Variants in VPS13B observed in about 807,000 individuals in gnomAD.
VPS13B encodes vacuolar protein sorting 13 homolog B.
A neutral mutation model predicts 426.4 loss-of-function variants in VPS13B; 285 were observed. The observed-to-expected ratio is 0.67, with a 90% CI of 0.61 to 0.74. The LOEUF (loss-of-function observed/expected upper bound fraction) is 0.74. VPS13B is among the 30% of genes least tolerant of loss of function. VPS13B has a pLI of 0.00. For synonymous variants in VPS13B, 1,676 were observed against 1,676.4 expected, an observed-to-expected ratio of 1.00 and a Z score of 0.01; for missense variants, 4,537 against 4,782.6, an observed-to-expected ratio of 0.95 and a Z score of 1.51.
chr8:99,192,422 G>A (rs1216090036), intron 16 of VPS13B, among the ~76,000 whole-genome samples: 2 of 151,900 alleles, frequency 1.3e-5, no homozygotes, highest in East Asian at 1.9e-4. Context: ...TTAATATATC[G>A]GTGTGTGTCT....
At chr8:99,254,052 T>C (rs2132930445) in intron 17 of VPS13B, among the ~76,000 whole-genome samples, 1 of 152,334 alleles carries the variant, frequency 6.6e-6, no homozygotes, top group South Asian at 2.1e-4. Context: ...TCAGATATTA[T>C]TTTTGCTTCA....
intron 16 of VPS13B, among the ~76,000 whole-genome samples, chr8:99,177,168 A>C (rs1004137161): frequency 7.9e-5 from 12 of 152,196 alleles, no homozygotes; most frequent in African/African-American, 2.9e-4. Context: ...CCAGAAAACA[A>C]ATGGACATTG....
intron 31 of VPS13B, among the ~76,000 whole-genome samples, chr8:99,561,696 T>C (rs972211787): frequency 2.0e-5 from 3 of 152,210 alleles, no homozygotes; most frequent in African/African-American, 7.2e-5. Context: ...CTATGATGTT[T>C]GATTGGTTAA....
At position 99,018,289 on chromosome 8, in the gene VPS13B, G is replaced by A. The variant is rs116678819; in HGVS notation, c.147+4354G>A. On this transcript the variant is annotated intron_variant, in intron 2 of 61. Coordinates refer to ENST00000357162, the MANE Select transcript of VPS13B (RefSeq NM_152564.5). ...TAATCCCAGCTACTTGGGACGCTGG[G>A]GCACAAGAATCACTTGAACTGGGAA... 9.9e-3 allele frequency among the ~76,000 whole-genome samples: 1,514 copies of A among 152,254 alleles called. 34 individuals carry two copies. Among genetic ancestry groups the A allele is most frequent in the African/African-American group, 0.035 (1,452 of 41,538 alleles).
intron 29 of VPS13B, 80 bp from the exon 30 acceptor site, chr8:99,520,819 T>C: frequency 9.2e-7 from 1 of 1,089,566 alleles, no homozygotes; most frequent in South Asian, 1.3e-5. Flanking sequence ...CTCTATTCCA[T>C]TCCCTCAAAG....
intron 31 of VPS13B, among the ~76,000 whole-genome samples, chr8:99,558,208 T>A (rs1467285090): frequency 6.6e-6 from 1 of 152,162 alleles, no homozygotes; most frequent in Non-Finnish European, 1.5e-5. Context: ...GTAATAACTG[T>A]TATTTTCCCT....
rs1251933840 is a variant in VPS13B at position 99,502,917 on chromosome 8, T to C, written c.4124T>C (p.Ile1375Thr). 2 of 1,612,278 alleles carry C rather than the reference T, an allele frequency of 1.2e-6. No individual in the cohort carries two copies. Among genetic ancestry groups the C allele is most frequent in the East Asian group, 2.2e-5 (1 of 44,782 alleles). Reference sequence around the variant, plus strand: ...GTATATACCAAAGTGAAATGTAAAATAGAGAGTTTCAATATTGATCACTAT... The same window carrying C: ...GTATATACCAAAGTGAAATGTAAAACAGAGAGTTTCAATATTGATCACTAT... ...QDVYTKVKCK[I>T]ESFNIDHYRS... The change falls in exon 27 of 62, where the codon ATA becomes ACA. Residue 1375 changes from isoleucine (I) to threonine (T), a missense_variant. Ile to Thr is a moderately conservative substitution (Grantham distance 89). Coordinates refer to ENST00000357162, the MANE Select transcript of VPS13B (RefSeq NM_152564.5).
rs1366715736 is a variant in VPS13B, at chr8:99,877,054, G to GTCTC, written c.*1389_*1392dup. On this transcript the variant is annotated 3_prime_UTR_variant, in exon 62 of 62. Transcript: ENST00000357162. The stretch of plus-strand genomic sequence containing the variant: ...TTTTAAAATTTTTTCTAGAGATGAG[G>GTCTC]TCTCACTATGTTGCCCAGCTGGTCT... 1 of 151,972 alleles carries GTCTC rather than the reference G, an allele frequency of 6.6e-6. No homozygotes were observed. Among genetic ancestry groups the GTCTC allele is most frequent in the Admixed American group, 6.6e-5 (1 of 15,244 alleles). 9.4% of individuals were successfully genotyped at this position (151,972 alleles called of 1,614,324 possible). A position where few individuals can be genotyped will look rare whatever the true frequency, so the allele number is the denominator to read the frequency against.
intron 33 of VPS13B, among the ~76,000 whole-genome samples, chr8:99,640,370 A>T (rs1270708929): frequency 2.0e-5 from 3 of 152,042 alleles, no homozygotes; most frequent in Admixed American, 6.6e-5. Context: ...ACCACCTCCC[A>T]GGCTCAAGCC....
Position 99,835,565 on chromosome 8 carries a change from A to C in VPS13B, c.9769A>C (p.Lys3257Gln). 1.9e-6 allele frequency: 3 copies of C among 1,613,944 alleles called. No homozygotes were observed. The highest frequency in any genetic ancestry group is 2.5e-6 in the Non-Finnish European group (3 of 1,179,848). The part of the protein sequence containing the change: ...KDIPKFEVYC[K>Q]KIPSECSIHH... ...TATTCCAAAGTTTGAGGTTTATTGC[A>C]AAAAAATTCCCTCCGAGTGCTCAAT... Residue 3257 changes from lysine to glutamine, a missense_variant, in exon 54 of 62, where the codon AAA becomes CAA. This residue lies in a region of VPS13B where 4,311 missense variants were observed against 4,474.3 expected (regional missense o/e 0.96). Transcript: ENST00000357162.
At chr8:99,477,013 A>G (rs937559524) in intron 24 of VPS13B, among the ~76,000 whole-genome samples, 1 of 152,104 alleles carries the variant, frequency 6.6e-6, no homozygotes, top group Admixed American at 6.6e-5. Context: ...TTGTTAATTC[A>G]TATCATTTAG....
chr8:99,088,880 A>G (rs1022371191), intron 3 of VPS13B, among the ~76,000 whole-genome samples: 4 of 152,134 alleles, frequency 2.6e-5, no homozygotes, highest in Non-Finnish European at 5.9e-5. Flanking sequence ...AAGGCATGTT[A>G]CCTTGCCTTG....
chr8:99,820,832 CTTTA>C lies in VPS13B; in HGVS notation c.8995-457_8995-454del, dbSNP rs538655806. 2.2e-3 allele frequency among the ~76,000 whole-genome samples: 338 copies of C among 152,094 alleles called. 3 individuals carry two copies. The highest frequency in any genetic ancestry group is 7.8e-3 in the African/African-American group (324 of 41,506). Reference sequence around the variant, plus strand: ...TTTTTGAGCTCCAGGTCATAAACATCTTTATTTAATTGCATTTTTTCTTTTTTCT... The same window carrying C: ...TTTTTGAGCTCCAGGTCATAAACATCTTTAATTGCATTTTTTCTTTTTTCT... On this transcript the variant is annotated intron_variant, in intron 49 of 61. Coordinates refer to ENST00000357162, the MANE Select transcript of VPS13B (RefSeq NM_152564.5).
At chr8:99,232,918 C>T (rs914524313) in intron 17 of VPS13B, 8 of 587,380 alleles carry the variant, frequency 1.4e-5, no homozygotes, top group Non-Finnish European at 1.5e-5. Flanking sequence ...CCCTGGCCGC[C>T]TCCGCAGACT....
chr8:99,556,766 C>A, intron 31 of VPS13B, 113 bp downstream of exon 31: 3 of 1,151,638 alleles, frequency 2.6e-6, no homozygotes, highest in Non-Finnish European at 3.8e-6. Context: ...ATTGCTTCTG[C>A]TTTTCATTAT....
At chr8:99,489,379 A>G (rs569364601) in intron 25 of VPS13B, among the ~76,000 whole-genome samples, 270 of 151,238 alleles carry the variant, frequency 1.8e-3, no homozygotes, top group Middle Eastern at 0.01. Context: ...TTGTCTTGGC[A>G]ATGCGGGCTC....
At chr8:99,559,857 T>C (rs1824804857) in intron 31 of VPS13B, among the ~76,000 whole-genome samples, 1 of 152,210 alleles carries the variant, frequency 6.6e-6, no homozygotes, top group Admixed American at 6.5e-5. Context: ...TCCAGCTTTG[T>C]TCTTTTTGCT....
At chr8:99,536,776 C>G (rs753451230) in intron 30 of VPS13B, 3 of 528,914 alleles carry the variant, frequency 5.7e-6, no homozygotes, top group Non-Finnish European at 1.2e-5. Context: ...ATAGAAGTCA[C>G]GAAGCTTATG....
At chr8:99,720,711 G>C (rs1833098274) in intron 38 of VPS13B, 152 bp from the exon 39 acceptor site, 1 of 1,086,228 alleles carries the variant, frequency 9.2e-7, no homozygotes. Context: ...CTTAGGGGAA[G>C]TTCTTCATTT....
Sources: gnomAD v4.1 joint callset for allele counts (sites outside exome capture counted in the v4.1 genomes callset) on GRCh38, gnomAD v4.1.1 for gene constraint, gnomAD v4.1.1 regional missense constraint, MANE v1.5 for transcripts, NCBI Gene and HGNC (gene_info 2026-07-23, HGNC 2026-07-21) for gene names.